CNIH4: variants seen among roughly 807,000 people sequenced by gnomAD.
CNIH4 encodes protein cornichon homolog 4.
In CNIH4, 9 loss-of-function variants were observed where a neutral mutation model predicts 21.5. The observed-to-expected ratio is 0.42, with a 90% CI of 0.25 to 0.73. The LOEUF is 0.73. Among genes scored for constraint, CNIH4 ranks in the 30% least tolerant of loss-of-function variants. CNIH4 has a pLI of 0.27. For synonymous variants in CNIH4, 67 were observed against 59.1 expected, an observed-to-expected ratio of 1.13 and a Z score of -0.61; for missense variants, 159 against 170.0, an observed-to-expected ratio of 0.94 and a Z score of 0.36.
Position 224,356,953 on chromosome 1 carries a change from T to C in CNIH4, c.29T>C (p.Leu10Pro). The change falls in exon 1 of 5, where the codon CTC becomes CCC. Residue 10 changes from leucine to proline, a missense_variant. Leu to Pro is a moderately conservative substitution (Grantham distance 98, BLOSUM62 -3). Coordinates refer to ENST00000465271, the MANE Select transcript of CNIH4 (RefSeq NM_014184.4). ...GAGGCGGTGGTGTTCGTCTTCTCTC[T>C]CCTCGATTGTTGCGCGCTCATCTTC... MEAVVFVFS[L>P]LDCCALIFLS... is the part of the protein sequence containing the mutation. 2 of 1,612,440 alleles carry C rather than the reference T, an allele frequency of 1.2e-6. No individual in the cohort carries two copies. Among genetic ancestry groups the C allele is most frequent in the Non-Finnish European group, 8.5e-7 (1 of 1,179,312 alleles).
At chr1:224,375,229 T>G (rs12140423) in intron 4 of CNIH4, among the ~76,000 whole-genome samples, 17,982 of 152,204 alleles carry the variant, frequency 0.12, 1,294 homozygotes, top group South Asian at 0.25. Flanking sequence ...TCTCAAGAGT[T>G]GCTCATAGTC....
chr1:224,362,629 A>G (rs1471461446), intron 2 of CNIH4, among the ~76,000 whole-genome samples: 2 of 151,344 alleles, frequency 1.3e-5, no homozygotes, highest in African/African-American at 4.9e-5. Flanking sequence ...AGCTGGGACT[A>G]CAGGCGCCTG....
intron 1 of CNIH4, among the ~76,000 whole-genome samples, chr1:224,358,313 C>T (rs534694181): frequency 6.6e-6 from 1 of 152,340 alleles, no homozygotes; most frequent in South Asian, 2.1e-4. Flanking sequence ...GCCTTCGTGT[C>T]CCCACCCTCC....
intron 2 of CNIH4, among the ~76,000 whole-genome samples, chr1:224,363,755 C>T (rs1329828468): frequency 2.0e-5 from 3 of 152,102 alleles, no homozygotes; most frequent in African/African-American, 7.2e-5. Context: ...TGATATATGA[C>T]TGCCTATTCA....
At chr1:224,362,273 G>A (rs1672315391) in intron 2 of CNIH4, among the ~76,000 whole-genome samples, 1 of 151,254 alleles carries the variant, frequency 6.6e-6, no homozygotes, top group African/African-American at 2.4e-5. Flanking sequence ...TAGTGGAGAC[G>A]GGGTTTCACC....
At chr1:224,364,227 A>G in intron 2 of CNIH4, 3 of 907,214 alleles carry the variant, frequency 3.3e-6, no homozygotes, top group Non-Finnish European at 3.8e-6. Context: ...CTCTCTACAA[A>G]AATAAAACAA....
At chr1:224,368,864 G>GTTCC (rs1219847940) in intron 3 of CNIH4, among the ~76,000 whole-genome samples, 1 of 150,816 alleles carries the variant, frequency 6.6e-6, no homozygotes, top group Non-Finnish European at 1.5e-5. Flanking sequence ...TGTATTGGGG[G>GTTCC]TTCCATTTTC....
intron 1 of CNIH4, chr1:224,357,749 C>A (rs1672159265): frequency 6.6e-6 from 1 of 152,212 alleles, no homozygotes; most frequent in African/African-American, 2.4e-5. Flanking sequence ...TTAAATTTTT[C>A]TATCGATCCA....
rs1672812702 is a variant in CNIH4, at chr1:224,377,491, T to TC, written c.*1669_*1670insC. ...TACTTAAAGGCGGTAGAGATCTTTT[T>TC]TTTTTTTTTTTTGAGATGGGGTCTT... On this transcript the variant is annotated 3_prime_UTR_variant, in exon 5 of 5. Coordinates refer to ENST00000465271, the MANE Select transcript of CNIH4 (RefSeq NM_014184.4). 1 of 151,614 alleles carries TC rather than the reference T, an allele frequency of 6.6e-6. No individual in the cohort carries two copies. The highest frequency in any genetic ancestry group is 2.4e-5 in the African/African-American group (1 of 41,292). 9.4% of individuals were successfully genotyped at this position (151,614 alleles called of 1,614,324 possible).
At chr1:224,367,222 C>A (rs1280315518) in intron 3 of CNIH4, among the ~76,000 whole-genome samples, 1 of 151,956 alleles carries the variant, frequency 6.6e-6, no homozygotes, top group Non-Finnish European at 1.5e-5. Flanking sequence ...TTTTTTGGGA[C>A]AGGACCATTC....
In CNIH4 at chr1:224,366,000, A is replaced by C. The variant is rs1672440550; in HGVS notation, c.251+9A>C. Reference sequence around the variant, plus strand: ...ACTTGGAATATATATCGGTGAGTATAGTTTGTTTACTTTGGTGTCAAGGTA... The same window carrying C: ...ACTTGGAATATATATCGGTGAGTATCGTTTGTTTACTTTGGTGTCAAGGTA... On this transcript the variant is annotated intron_variant, in intron 3 of 4. Transcript: ENST00000465271. The C allele has an allele frequency of 6.6e-7, 1 of 1,524,138 alleles. No homozygotes were observed. Among genetic ancestry groups the C allele is most frequent in the South Asian group, 1.1e-5 (1 of 89,248 alleles). The allele number at this position is 1,524,138 out of a possible 1,614,324, so 94.4% of individuals were successfully genotyped here. A position where few individuals can be genotyped will look rare whatever the true frequency, so the allele number is the denominator to read the frequency against.
rs1037965410 is a variant in CNIH4 at position 224,376,134 on chromosome 1, A to G, written c.*312A>G. The G allele has an allele frequency of 9.2e-7, 1 of 1,085,020 alleles. No homozygotes were observed. Among genetic ancestry groups the G allele is most frequent in the Non-Finnish European group, 1.1e-6 (1 of 893,992 alleles). 67.2% of individuals were successfully genotyped at this position (1,085,020 alleles called of 1,614,324 possible). A position where few individuals can be genotyped will look rare whatever the true frequency, so the allele number is the denominator to read the frequency against. On this transcript the variant is annotated 3_prime_UTR_variant, in exon 5 of 5. Transcript: ENST00000465271. ...TCCCAGCTTTGCATGCCAAAGAAAT[A>G]AAGAACACACTTTAAAGGGCAAACT...
chr1:224,372,571 T>G (rs540919464), intron 4 of CNIH4, among the ~76,000 whole-genome samples: 2 of 151,928 alleles, frequency 1.3e-5, no homozygotes, highest in South Asian at 4.2e-4. Context: ...GGGGTTTTTT[T>G]TTTGTTTGTT....
chr1:224,362,986 A>G (rs781142145), intron 2 of CNIH4, among the ~76,000 whole-genome samples: 8 of 148,332 alleles, frequency 5.4e-5, no homozygotes, highest in Non-Finnish European at 1.5e-5. Flanking sequence ...TATCTCTTTG[A>G]TTTTTTTTCT....
chr1:224,364,214 T>C lies in CNIH4; in HGVS notation c.139-1665T>C, dbSNP rs77616179. On this transcript the variant is annotated intron_variant, in intron 2 of 4. Coordinates refer to ENST00000465271, the MANE Select transcript of CNIH4 (RefSeq NM_014184.4). ...ACCAGCTCTGGTAACATAGGGAGAC[T>C]TCCTCTCTACAAAAATAAAACAAGA... The C allele has an allele frequency of 6.7e-3, 6,567 of 972,974 alleles. 71 individuals carry two copies. Among genetic ancestry groups the C allele is most frequent in the South Asian group, 0.058 (1,177 of 20,392 alleles). The allele number at this position is 972,974 out of a possible 1,614,324, so 60.3% of individuals were successfully genotyped here. A position where few individuals can be genotyped will look rare whatever the true frequency, so the allele number is the denominator to read the frequency against.
chr1:224,377,819 TC>T lies in CNIH4; in HGVS notation c.*1998del. On this transcript the variant is annotated 3_prime_UTR_variant, in exon 5 of 5. Coordinates refer to ENST00000465271, the MANE Select transcript of CNIH4 (RefSeq NM_014184.4). ...TGACCAAAATGTTTCACCTTCTCAT[TC>T]AGATATTCTTAGTAACCAAAACAGT... 6.6e-6 allele frequency: 1 copy of T among 152,216 alleles called. No individual in the cohort carries two copies. The highest frequency in any genetic ancestry group is 3.4e-3 in the Middle Eastern group (1 of 294). The allele number at this position is 152,216 out of a possible 1,614,324, so 9.4% of individuals were successfully genotyped here. A position where few individuals can be genotyped will look rare whatever the true frequency, so the allele number is the denominator to read the frequency against.
intron 4 of CNIH4, among the ~76,000 whole-genome samples, chr1:224,373,193 G>A (rs1417413001): frequency 6.6e-6 from 1 of 152,212 alleles, no homozygotes; most frequent in African/African-American, 2.4e-5. Flanking sequence ...AGCAAAAAAA[G>A]TTAATGATGA....
intron 2 of CNIH4, chr1:224,364,142 C>T: frequency 1.0e-6 from 1 of 982,900 alleles, no homozygotes; most frequent in East Asian, 1.1e-4. Flanking sequence ...GTCCCCAGTA[C>T]TTTGGGAGGC....
intron 2 of CNIH4, among the ~76,000 whole-genome samples, chr1:224,362,486 A>T (rs1292120811): frequency 1.1e-5 from 1 of 91,504 alleles, no homozygotes; most frequent in African/African-American, 4.3e-5. Context: ...ATCGCTGTGT[A>T]CTTTTTTTTT....
Sources: allele counts gnomAD v4.1 joint callset (sites outside exome capture counted in the v4.1 genomes callset), GRCh38; gene constraint gnomAD v4.1.1; transcripts MANE v1.5; gene names NCBI Gene and HGNC (gene_info 2026-07-23, HGNC 2026-07-21).